The following AKR1A1 variants were observed in gnomAD, a reference collection of about 807,000 sequenced individuals.
The protein encoded by AKR1A1 is aldo-keto reductase family 1 member A1.
A neutral mutation model predicts 39.2 loss-of-function variants in AKR1A1; 26 were observed. The observed-to-expected ratio is 0.66, with a 90% CI of 0.49 to 0.92. The LOEUF is 0.92. Ranked by LOEUF, AKR1A1 falls within the 40% of genes least tolerant of loss-of-function variation. The pLI is 0.00. For synonymous variants in AKR1A1, 141 were observed against 155.5 expected (o/e 0.91, Z 0.69); for missense variants, 378 against 406.5 (o/e 0.93, Z 0.60).
chr1:45,559,791 G>A (rs191226712), intron 1 of AKR1A1, among the ~76,000 whole-genome samples: 73 of 146,556 alleles, frequency 5.0e-4, no homozygotes, highest in African/African-American at 1.8e-3. Context: ...GGGATTATAG[G>A]CACCCGCCAC....
intron 4 of AKR1A1, chr1:45,567,308 T>C (rs905459079): frequency 8.5e-6 from 3 of 353,668 alleles, no homozygotes; most frequent in Admixed American, 4.4e-5. Context: ...GACTTTTCTG[T>C]TGAGCACCTG....
Position 45,568,132 on chromosome 1 carries a change from T to G in AKR1A1, c.507T>G (p.Ile169Met), listed in dbSNP as rs1644369636. Reference protein sequence around the residue: ...LGLSNFNSRQIDDILSVASVR... With the variant: ...LGLSNFNSRQMDDILSVASVR... ...TGTCCAACTTCAACAGTCGGCAGATTGATGACATACTCAGTGTGGCCTCCG... is the reference window on the plus strand; with the variant it reads ...TGTCCAACTTCAACAGTCGGCAGATGGATGACATACTCAGTGTGGCCTCCG... Residue 169 changes from isoleucine (I) to methionine (M), a missense_variant, in exon 5 of 9, where the codon ATT becomes ATG. Physicochemically the swap from Ile to Met is conservative, Grantham distance 10 (BLOSUM62 1). Coordinates refer to ENST00000351829, the MANE Select transcript of AKR1A1 (RefSeq NM_153326.3). The G allele has an allele frequency of 1.2e-6, 2 of 1,613,924 alleles. No individual in the cohort carries two copies. The highest frequency in any genetic ancestry group is 1.7e-6 in the Non-Finnish European group (2 of 1,180,000).
At chr1:45,561,247 C>G (rs2148297129) in intron 1 of AKR1A1, among the ~76,000 whole-genome samples, 1 of 152,310 alleles carries the variant, frequency 6.6e-6, no homozygotes, top group African/African-American at 2.4e-5. Flanking sequence ...GATCTTTAGC[C>G]TGCCACAGAG....
rs766518797 is a variant in AKR1A1, at chr1:45,569,238, G to GT, written c.912+10dup. On this transcript the variant is annotated intron_variant, in intron 8 of 8. Coordinates refer to ENST00000351829, the MANE Select transcript of AKR1A1 (RefSeq NM_153326.3). ...TTGTGCCTATGCTTACGGTGAGGAT[G>GT]TATCAGCCTCCTAGACTTGGGGAAT... is the stretch of plus-strand genomic sequence containing the variant. 4 of 1,610,318 alleles carry GT rather than the reference G, an allele frequency of 2.5e-6. No individual in the cohort carries two copies. The highest frequency in any genetic ancestry group is 3.4e-6 in the Non-Finnish European group (4 of 1,176,494).
intron 3 of AKR1A1, 46 bp from the exon 4 acceptor site, chr1:45,566,823 A>G: frequency 6.2e-7 from 1 of 1,602,822 alleles, no homozygotes; most frequent in East Asian, 2.2e-5. Flanking sequence ...GGGTGAGACC[A>G]CGTGCTCATG....
intron 8 of AKR1A1, 79 bp from the exon 9 acceptor site, chr1:45,569,812 G>T: frequency 6.0e-6 from 8 of 1,325,020 alleles, no homozygotes; most frequent in South Asian, 1.2e-5. Flanking sequence ...GTTTGTTTAG[G>T]AAGATTTGGG....
chr1:45,562,415 C>T (rs1570905205), intron 2 of AKR1A1, among the ~76,000 whole-genome samples: 1 of 149,938 alleles, frequency 6.7e-6, no homozygotes, highest in African/African-American at 2.5e-5. Context: ...AATCTTGGCT[C>T]ACGGCAGCCT....
chr1:45,568,398 AG>A, intron 5 of AKR1A1, 86 bp from the exon 6 acceptor site: 6 of 1,443,012 alleles, frequency 4.2e-6, no homozygotes, highest in Non-Finnish European at 5.8e-6. Context: ...AGTCAGCAAT[AG>A]GGGGTGGTCC....
At chr1:45,559,634 C>CTTTTTTTTTTTTTTT (rs71056306) in intron 1 of AKR1A1, among the ~76,000 whole-genome samples, 1 of 73,128 alleles carries the variant, frequency 1.4e-5, no homozygotes, top group Non-Finnish European at 2.4e-5. Flanking sequence ...CTTTTCTTTT[C>CTTTTTTTTTTTTTTT]TTTTTTTTTT....
At chr1:45,569,103 C>A in intron 7 of AKR1A1, 40 bp from the exon 8 acceptor site, 1 of 1,601,686 alleles carries the variant, frequency 6.2e-7, no homozygotes. Context: ...AGCTTCTGCT[C>A]ACAAAGCTGG....
At chr1:45,563,078 CA>C (rs36095202) in intron 2 of AKR1A1, among the ~76,000 whole-genome samples, 70,385 of 150,974 alleles carry the variant, frequency 0.47, 16,532 homozygotes, top group East Asian at 0.62. Flanking sequence ...CACTGCACTC[CA>C]GCCTGGACAG....
At chr1:45,568,276 T>C (rs752519514) in intron 5 of AKR1A1, 99 bp downstream of exon 5, 5 of 1,410,626 alleles carry the variant, frequency 3.5e-6, no homozygotes, top group Non-Finnish European at 4.8e-6. Flanking sequence ...TAGCAAGTTG[T>C]CAGAGTGTTG....
rs142942327 is a variant in AKR1A1 at position 45,559,900 on chromosome 1, A to G, written c.-6-1889A>G. Among the ~76,000 whole-genome samples, 462 of 140,820 alleles carry G rather than the reference A, an allele frequency of 3.3e-3. 5 individuals are homozygous for G. Among genetic ancestry groups the G allele is most frequent in the East Asian group, 0.023 (114 of 4,862 alleles). 92.4% of individuals were successfully genotyped at this position (140,820 alleles called of 152,430 possible). A position where few individuals can be genotyped will look rare whatever the true frequency, so the allele number is the denominator to read the frequency against. Reference sequence around the variant, plus strand: ...TTGACCTTGTGATCCGCCCACCTCAACCTCCCAAAGTGCTGGGATTACAGG... The same window carrying G: ...TTGACCTTGTGATCCGCCCACCTCAGCCTCCCAAAGTGCTGGGATTACAGG... On this transcript the variant is annotated intron_variant, in intron 1 of 8. Coordinates refer to ENST00000351829, the MANE Select transcript of AKR1A1 (RefSeq NM_153326.3).
Position 45,565,122 on chromosome 1 carries a change from ATT to A in AKR1A1, c.85-1423_85-1422del, listed in dbSNP as rs11351880. On this transcript the variant is annotated intron_variant, in intron 2 of 8. Transcript: ENST00000351829. ...CAGGCGTGAGCCACCACACCCAGCC[ATT>A]TTTTTTTTTTTTTTTTTTTTTTTGA... Among the ~76,000 whole-genome samples, 86 of 53,584 alleles carry A rather than the reference ATT, an allele frequency of 1.6e-3. 1 individual carries two copies. The highest frequency in any genetic ancestry group is 4.3e-3 in the African/African-American group (48 of 11,138). The allele number at this position is 53,584 out of a possible 152,430, so 35.2% of individuals were successfully genotyped here.
chr1:45,563,512 G>T (rs1003330894), intron 2 of AKR1A1, among the ~76,000 whole-genome samples: 1 of 151,934 alleles, frequency 6.6e-6, no homozygotes, highest in Non-Finnish European at 1.5e-5. Context: ...CACTTAAGCT[G>T]GGTGTGGTGG....
chr1:45,567,735 G>A, intron 4 of AKR1A1: 1 of 306,622 alleles, frequency 3.3e-6, no homozygotes, highest in Non-Finnish European at 6.1e-6. Context: ...GCTGAGGCAG[G>A]AGAATGGCGT....
chr1:45,553,439 G>A (rs1404131952), intron 1 of AKR1A1, among the ~76,000 whole-genome samples: 3 of 151,938 alleles, frequency 2.0e-5, no homozygotes, highest in East Asian at 3.9e-4. Flanking sequence ...AAGAGTGGTG[G>A]TGGTCAGAGA....
chr1:45,568,308 A>T, intron 5 of AKR1A1, 131 bp downstream of exon 5: 1 of 1,275,592 alleles, frequency 7.8e-7, no homozygotes, highest in Non-Finnish European at 1.1e-6. Flanking sequence ...CTCTGCATAA[A>T]GGTGGGCATT....
intron 2 of AKR1A1, among the ~76,000 whole-genome samples, chr1:45,565,121 C>CT (rs1557634805): frequency 1.6e-5 from 2 of 124,924 alleles, no homozygotes; most frequent in African/African-American, 3.1e-5. Context: ...CACACCCAGC[C>CT]ATTTTTTTTT....
Sources: gnomAD v4.1 joint callset for allele counts (sites outside exome capture counted in the v4.1 genomes callset) on GRCh38, gnomAD v4.1.1 for gene constraint, MANE v1.5 for transcripts, NCBI Gene and HGNC (gene_info 2026-07-23, HGNC 2026-07-21) for gene names.